The following PLOD2 variants were observed in gnomAD, a reference collection of about 807,000 sequenced individuals.
PLOD2 encodes the protein procollagen-lysine,2-oxoglutarate 5-dioxygenase 2.
A neutral mutation model predicts 101.0 loss-of-function variants in PLOD2; 65 were observed. The ratio of observed to expected loss-of-function variants is 0.64; its 90% CI spans 0.53 to 0.79. The LOEUF (loss-of-function observed/expected upper bound fraction) is 0.79, where lower values mean the gene tolerates loss of function less well. Ranked by LOEUF, PLOD2 falls within the 30% of genes least tolerant of loss-of-function variation. The pLI, the probability that PLOD2 is intolerant of heterozygous loss-of-function variation, is 0.00. For missense variants in PLOD2, 909 were observed against 914.6 expected, an observed-to-expected ratio of 0.99 and a Z score of 0.08; for synonymous variants, 314 against 302.9, an observed-to-expected ratio of 1.04 and a Z score of -0.38.
At position 146,086,869 on chromosome 3, in the gene PLOD2, T is replaced by C. The variant is rs368727638; in HGVS notation, c.1045A>G (p.Lys349Glu). 10 of 1,526,472 alleles carry C rather than the reference T, an allele frequency of 6.6e-6. No homozygotes were observed. The African/African-American group carries it at 6.9e-5, about 10-fold the overall frequency. 94.6% of individuals were successfully genotyped at this position (1,526,472 alleles called of 1,614,324 possible). Reference protein sequence around the residue: ...HEKDIKVFFDKAKHEIKTIKI... With the variant: ...HEKDIKVFFDEAKHEIKTIKI... The stretch of plus-strand genomic sequence containing the variant: ...ATAGTTTTGATTTCATGCTTAGCTT[T>C]ATCAAAAAATACCTTGATGTCCTTT... Residue 349 changes from lysine (K) to glutamate (E), a missense_variant, in exon 10 of 20, where the codon AAA (lysine) becomes GAA (glutamate). Lys to Glu is a moderately conservative substitution (Grantham distance 56). Transcript: ENST00000282903.
intron 1 of PLOD2, among the ~76,000 whole-genome samples, chr3:146,125,496 C>G (rs895341354): frequency 3.3e-5 from 5 of 152,138 alleles, no homozygotes; most frequent in Non-Finnish European, 5.9e-5. Flanking sequence ...CCTGTAATCT[C>G]AGCACTTTGG....
chr3:146,100,823 T>G (rs1350459308), intron 7 of PLOD2, among the ~76,000 whole-genome samples: 1 of 152,148 alleles, frequency 6.6e-6, no homozygotes, highest in Non-Finnish European at 1.5e-5. Flanking sequence ...GATTTTCAAC[T>G]TCATACCTAA....
chr3:146,123,543 G>C (rs1469261453), intron 2 of PLOD2, among the ~76,000 whole-genome samples: 1 of 151,698 alleles, frequency 6.6e-6, no homozygotes, highest in Non-Finnish European at 1.5e-5. Flanking sequence ...AAAAACAAAA[G>C]CAATTCTCAA....
At position 146,161,018 on chromosome 3, in the gene PLOD2, A is replaced by G; in HGVS notation, c.-29T>C. ...CGGCCCTCGAGGGCCGCGCGGGCTC[A>G]GGCGCCCACGGCCCCGCAGCGCCGC... On this transcript the variant is annotated 5_prime_UTR_variant, in exon 1 of 20. Transcript: ENST00000282903. The G allele has an allele frequency of 7.0e-7, 1 of 1,428,910 alleles. No homozygotes were observed. The highest frequency in any genetic ancestry group is 2.5e-5 in the East Asian group (1 of 40,590). 88.5% of individuals were successfully genotyped at this position (1,428,910 alleles called of 1,614,324 possible). A position where few individuals can be genotyped will look rare whatever the true frequency, so the allele number is the denominator to read the frequency against.
chr3:146,148,085 A>G (rs1169035930), intron 1 of PLOD2, among the ~76,000 whole-genome samples: 1 of 151,774 alleles, frequency 6.6e-6, no homozygotes, highest in Non-Finnish European at 1.5e-5. Flanking sequence ...CCTGCAGTGT[A>G]GACTAAGGTA....
chr3:146,081,245 T>C (rs1936529314), intron 12 of PLOD2, among the ~76,000 whole-genome samples: 1 of 152,120 alleles, frequency 6.6e-6, no homozygotes, highest in Non-Finnish European at 1.5e-5. Flanking sequence ...GAAAATCTAA[T>C]ATTGGTAAAA....
intron 19 of PLOD2, 82 bp downstream of exon 19, chr3:146,070,960 A>C: frequency 6.6e-7 from 1 of 1,513,236 alleles, no homozygotes; most frequent in South Asian, 1.2e-5. Context: ...AATTTAAAAA[A>C]GAAACTAAGG....
intron 4 of PLOD2, among the ~76,000 whole-genome samples, chr3:146,107,168 A>T (rs1937549232): frequency 6.6e-6 from 1 of 152,232 alleles, no homozygotes; most frequent in South Asian, 2.1e-4. Context: ...TTTATATCTA[A>T]GACATTTTGG....
Position 146,088,584 on chromosome 3 carries a change from A to C in PLOD2, c.1005+2T>G. ...TAAAATATTCATTTCTCAAATACTT[A>C]CTTTGTTATGAATAAAAAGTTTAAG... On this transcript the variant is annotated splice_donor_variant, in intron 9 of 19. Coordinates refer to ENST00000282903, the MANE Select transcript of PLOD2 (RefSeq NM_182943.3). LOFTEE classifies it high-confidence loss of function. The C allele has an allele frequency of 6.5e-7, 1 of 1,549,928 alleles. No individual in the cohort carries two copies.
intron 7 of PLOD2, among the ~76,000 whole-genome samples, chr3:146,092,309 A>C (rs779461932): frequency 1.3e-5 from 2 of 152,088 alleles, no homozygotes; most frequent in Admixed American, 6.6e-5. Context: ...AAGGCTGAGC[A>C]CAGACACCTA....
intron 1 of PLOD2, among the ~76,000 whole-genome samples, chr3:146,144,817 T>A (rs1012088929): frequency 6.7e-6 from 1 of 148,180 alleles, no homozygotes; most frequent in Non-Finnish European, 1.5e-5. Context: ...ATGTATATCT[T>A]GATTTTATAA....
At chr3:146,110,522 C>T (rs562423240) in intron 3 of PLOD2, 74 bp from the exon 4 acceptor site, 1 of 1,229,170 alleles carries the variant, frequency 8.1e-7, no homozygotes, top group African/African-American at 1.5e-5. Flanking sequence ...GAAAAGTTCT[C>T]TAACAAAAGT....
chr3:146,122,723 A>C (rs2030255851), intron 2 of PLOD2, among the ~76,000 whole-genome samples: 1 of 152,146 alleles, frequency 6.6e-6, no homozygotes, highest in Non-Finnish European at 1.5e-5. Context: ...CCAAGATCTG[A>C]TATTATACTT....
intron 8 of PLOD2, 184 bp from the exon 9 acceptor site, chr3:146,088,895 A>G (rs1006343198): frequency 3.5e-5 from 20 of 573,352 alleles, no homozygotes; most frequent in Non-Finnish European, 5.3e-5. Flanking sequence ...GGCCCCCCCA[A>G]TCAAAGTGAT....
chr3:146,097,800 A>AAAT (rs1553733425), intron 7 of PLOD2, among the ~76,000 whole-genome samples: 6 of 94,404 alleles, frequency 6.4e-5, no homozygotes, highest in South Asian at 3.2e-4. Context: ...ATCAATAAAA[A>AAAT]AAAAATAATA....
intron 9 of PLOD2, among the ~76,000 whole-genome samples, chr3:146,088,052 GA>G (rs913802008): frequency 1.3e-5 from 2 of 151,632 alleles, no homozygotes; most frequent in African/African-American, 2.4e-5. Context: ...AAATACTGAG[GA>G]AAAATATTTT....
At chr3:146,086,974 T>C (rs908649468) in intron 9 of PLOD2, 66 bp from the exon 10 acceptor site, 2 of 913,654 alleles carry the variant, frequency 2.2e-6, no homozygotes, top group African/African-American at 3.4e-5. Flanking sequence ...GTATTCATAT[T>C]AGAGAGTGCT....
At chr3:146,143,557 A>T (rs573155928) in intron 1 of PLOD2, among the ~76,000 whole-genome samples, 2 of 152,078 alleles carry the variant, frequency 1.3e-5, no homozygotes, top group East Asian at 3.9e-4. Flanking sequence ...ATCATCTCTT[A>T]AAGAATTTCC....
intron 2 of PLOD2, among the ~76,000 whole-genome samples, chr3:146,122,462 C>T (rs1224156731): frequency 6.6e-6 from 1 of 152,178 alleles, no homozygotes; most frequent in South Asian, 2.1e-4. Flanking sequence ...TTCCACTACA[C>T]TAGTGGTTGT....
Sources: gnomAD v4.1 joint callset for allele counts (sites outside exome capture counted in the v4.1 genomes callset) on GRCh38, gnomAD v4.1.1 for gene constraint, MANE v1.5 for transcripts, NCBI Gene and HGNC (gene_info 2026-07-23, HGNC 2026-07-21) for gene names.